Variants in PDE7B observed in about 807,000 individuals in gnomAD.
PDE7B encodes the protein phosphodiesterase 7B.
A neutral mutation model predicts 56.2 loss-of-function variants in PDE7B; 29 were observed. The observed-to-expected ratio is 0.52, with a 90% CI of 0.38 to 0.70. The LOEUF (loss-of-function observed/expected upper bound fraction) is 0.70. Ranked by LOEUF, PDE7B falls within the 30% of genes least tolerant of loss-of-function variation. PDE7B has a pLI of 0.00. For synonymous variants in PDE7B, 197 were observed against 196.9 expected, an observed-to-expected ratio of 1.00 and a Z score of 0.00; for missense variants, 490 against 565.0, an observed-to-expected ratio of 0.87 and a Z score of 1.35.
At chr6:136,047,649 A>G (rs1265239079) in intron 2 of PDE7B, among the ~76,000 whole-genome samples, 1 of 152,250 alleles carries the variant, frequency 6.6e-6, no homozygotes, top group Non-Finnish European at 1.5e-5. Flanking sequence ...ACAAATACTG[A>G]ACTTCTTATG....
chr6:135,985,355 C>T (rs1180997277), intron 2 of PDE7B, among the ~76,000 whole-genome samples: 1 of 152,156 alleles, frequency 6.6e-6, no homozygotes, highest in African/African-American at 2.4e-5. Flanking sequence ...TTGGATAGGA[C>T]AAGGCAACTA....
intron 2 of PDE7B, among the ~76,000 whole-genome samples, chr6:136,060,608 A>G (rs1717972736): frequency 1.3e-5 from 2 of 152,220 alleles, no homozygotes; most frequent in South Asian, 2.1e-4. Flanking sequence ...CTTAATTCTT[A>G]TAACAACCCT....
intron 3 of PDE7B, among the ~76,000 whole-genome samples, chr6:136,116,706 G>A (rs1998618): frequency 1.0e-3 from 156 of 152,268 alleles, no homozygotes; most frequent in Middle Eastern, 3.4e-3. Flanking sequence ...GGAAATGTCC[G>A]GAAGAAAGCT....
At chr6:136,189,390 C>T (rs1038299149) in intron 12 of PDE7B, among the ~76,000 whole-genome samples, 2 of 151,988 alleles carry the variant, frequency 1.3e-5, no homozygotes, top group African/African-American at 4.8e-5. Flanking sequence ...AAGGCAAAAC[C>T]CCATCTCCAC....
In PDE7B at chr6:136,142,003, C is replaced by T. The variant is rs765899892; in HGVS notation, c.167-5348C>T. On this transcript the variant is annotated intron_variant, in intron 3 of 12. Coordinates refer to ENST00000308191, the MANE Select transcript of PDE7B (RefSeq NM_018945.4). ...ATTTCTTGCCTTCTGCTAGCTTTTGCGTGTGTTTGCTCTTGCTTCTCTAGT... is the reference window on the plus strand; with the variant it reads ...ATTTCTTGCCTTCTGCTAGCTTTTGTGTGTGTTTGCTCTTGCTTCTCTAGT... 5.9e-5 allele frequency among the ~76,000 whole-genome samples: 9 copies of T among 152,084 alleles called. No individual in the cohort carries two copies. In the Middle Eastern group the frequency reaches 0.014, roughly 230 times the overall value.
At chr6:136,129,429 A>T (rs1230944877) in intron 3 of PDE7B, among the ~76,000 whole-genome samples, 4 of 152,272 alleles carry the variant, frequency 2.6e-5, no homozygotes, top group South Asian at 4.2e-4. Context: ...CAGCCACACT[A>T]CTTGCCCACT....
rs759579007 is a variant in PDE7B at position 136,181,209 on chromosome 6, C to T, written c.949-18C>T. On this transcript the variant is annotated intron_variant, in intron 10 of 12. Transcript: ENST00000308191. ...AGAACATCCTCTCACAATTTCTCCCCGCCCTGTCATTTCTCAGATCGCCTT... is the reference window on the plus strand; with the variant it reads ...AGAACATCCTCTCACAATTTCTCCCTGCCCTGTCATTTCTCAGATCGCCTT... 18 of 1,585,262 alleles carry T rather than the reference C, an allele frequency of 1.1e-5. No homozygotes were observed. Among genetic ancestry groups the T allele is most frequent in the East Asian group, 4.5e-5 (2 of 44,744 alleles).
At chr6:135,986,583 G>A (rs1021309150) in intron 2 of PDE7B, among the ~76,000 whole-genome samples, 2 of 152,198 alleles carry the variant, frequency 1.3e-5, no homozygotes, top group African/African-American at 2.4e-5. Context: ...CAGGTATGCT[G>A]TTCACATTTC....
rs574172905 is a variant in PDE7B, at chr6:136,009,443, G to T, written c.82+61919G>T. ...CCTTGGGCAGTATGGCCATTTTCACGATATTGATTCTTCCTACTCATGAGC... is the reference window on the plus strand; with the variant it reads ...CCTTGGGCAGTATGGCCATTTTCACTATATTGATTCTTCCTACTCATGAGC... On this transcript the variant is annotated intron_variant, in intron 2 of 12. Transcript: ENST00000308191. Among the ~76,000 whole-genome samples, 4 of 152,026 alleles carry T rather than the reference G, an allele frequency of 2.6e-5. No individual in the cohort carries two copies. In the South Asian group the frequency reaches 6.2e-4, roughly 24 times the overall value.
At chr6:136,013,904 G>A (rs9389360) in intron 2 of PDE7B, among the ~76,000 whole-genome samples, 50,287 of 152,052 alleles carry the variant, frequency 0.33, 8,460 homozygotes, top group Admixed American at 0.42. Flanking sequence ...GGATAAATAT[G>A]AAAACTTTAG....
chr6:136,016,476 G>C (rs931571463), intron 2 of PDE7B, among the ~76,000 whole-genome samples: 1 of 152,174 alleles, frequency 6.6e-6, no homozygotes, highest in Non-Finnish European at 1.5e-5. Context: ...ATAAATATTA[G>C]CTATTGTTGT....
chr6:135,928,439 A>ATATATATATTTATT (rs1251235305), intron 1 of PDE7B, among the ~76,000 whole-genome samples: 2 of 109,414 alleles, frequency 1.8e-5, no homozygotes, highest in African/African-American at 3.2e-5. Context: ...TTATATATAT[A>ATATATATATTTATT]TATATATATT....
chr6:136,173,848 C>T lies in PDE7B; in HGVS notation c.763C>T (p.Arg255Ter). Residue 255 changes from arginine to a stop codon, truncating the protein, a stop_gained, in exon 9 of 13, where the codon CGA becomes TGA. Coordinates refer to ENST00000308191, the MANE Select transcript of PDE7B (RefSeq NM_018945.4). LOFTEE classifies it high-confidence loss of function. ...HHWRSTIGML[R>*]ESRLLAHLPK... ...CTGGCGATCTACAATTGGCATGCTT[C>T]GAGAATCAAGGCTTCTTGCTCATTT... The T allele has an allele frequency of 2.5e-6, 4 of 1,612,880 alleles. No homozygotes were observed. Among genetic ancestry groups the T allele is most frequent in the Non-Finnish European group, 3.4e-6 (4 of 1,179,020 alleles).
At chr6:136,016,229 A>C (rs1183956900) in intron 2 of PDE7B, among the ~76,000 whole-genome samples, 1 of 152,178 alleles carries the variant, frequency 6.6e-6, no homozygotes, top group Admixed American at 6.5e-5. Context: ...ATTTCGAAGC[A>C]TTGCTGAGAT....
At chr6:135,881,611 GT>G (rs1178134671) in intron 1 of PDE7B, among the ~76,000 whole-genome samples, 2 of 152,302 alleles carry the variant, frequency 1.3e-5, no homozygotes, top group Admixed American at 6.5e-5. Flanking sequence ...ACCTGTTAAT[GT>G]AGAGCAGCTG....
At chr6:135,926,459 G>T (rs1442384367) in intron 1 of PDE7B, among the ~76,000 whole-genome samples, 2 of 151,680 alleles carry the variant, frequency 1.3e-5, no homozygotes, top group Non-Finnish European at 2.9e-5. Context: ...GAGGACAAAG[G>T]GTGTGGTCTA....
chr6:136,161,322 C>T (rs1319990486), intron 8 of PDE7B, among the ~76,000 whole-genome samples: 1 of 152,126 alleles, frequency 6.6e-6, no homozygotes, highest in Non-Finnish European at 1.5e-5. Flanking sequence ...TGTCCACTTC[C>T]CAGACAGATA....
At chr6:135,925,695 A>G (rs1350325907) in intron 1 of PDE7B, among the ~76,000 whole-genome samples, 1 of 152,212 alleles carries the variant, frequency 6.6e-6, no homozygotes, top group African/African-American at 2.4e-5. Context: ...TGGTTGAATA[A>G]CATTTACAAT....
At chr6:135,918,787 A>T (rs777384329) in intron 1 of PDE7B, among the ~76,000 whole-genome samples, 2 of 152,206 alleles carry the variant, frequency 1.3e-5, no homozygotes, top group African/African-American at 4.8e-5. Context: ...CATTCCATTT[A>T]TGCGTGGACA....
Sources: allele counts gnomAD v4.1 joint callset (sites outside exome capture counted in the v4.1 genomes callset), GRCh38; gene constraint gnomAD v4.1.1; transcripts MANE v1.5; gene names NCBI Gene and HGNC (gene_info 2026-07-23, HGNC 2026-07-21).